The following CD3E variants were observed in gnomAD, a reference collection of about 807,000 sequenced individuals.
CD3E encodes T-cell surface glycoprotein CD3 epsilon chain.
Under a neutral mutation model 34.7 loss-of-function variants are expected in CD3E, and 16 were observed. The ratio of observed to expected loss-of-function variants is 0.46; its 90% CI spans 0.31 to 0.70. The LOEUF (loss-of-function observed/expected upper bound fraction) is 0.70, where lower values mean the gene tolerates loss of function less well. Ranked by LOEUF, CD3E falls within the 30% of genes least tolerant of loss-of-function variation. The pLI is 0.05. For synonymous variants in CD3E, 70 were observed against 90.8 expected, an observed-to-expected ratio of 0.77 and a Z score of 1.30; for missense variants, 223 against 253.9, an observed-to-expected ratio of 0.88 and a Z score of 0.83.
intron 6 of CD3E, chr11:118,313,086 C>T (rs376294228): frequency 7.3e-5 from 44 of 599,966 alleles, no homozygotes; most frequent in Admixed American, 1.3e-4. Flanking sequence ...CCAGTCTGTG[C>T]GAGATCTAAA....
chr11:118,309,566 ACT>A (rs1456949045), intron 4 of CD3E, among the ~76,000 whole-genome samples: 1 of 142,546 alleles, frequency 7.0e-6, no homozygotes, highest in Non-Finnish European at 1.5e-5. Flanking sequence ...ACAGAGCAAG[ACT>A]CTGTCTCAAA....
intron 8 of CD3E, 80 bp from the exon 9 acceptor site, chr11:118,315,406 A>G: frequency 8.0e-7 from 1 of 1,247,654 alleles, no homozygotes; most frequent in Non-Finnish European, 1.2e-6. Context: ...CCCACGCACT[A>G]AAGCTAGCTC....
intron 2 of CD3E, among the ~76,000 whole-genome samples, chr11:118,305,360 T>C (rs1334636423): frequency 1.3e-5 from 2 of 152,228 alleles, no homozygotes; most frequent in Non-Finnish European, 2.9e-5. Context: ...AGAGACCAGA[T>C]ACTTGCGTCC....
At position 118,315,493 on chromosome 11, in the gene CD3E, G is replaced by A. The variant is rs202052957; in HGVS notation, c.575G>A (p.Arg192Gln). 4.4e-5 allele frequency: 71 copies of A among 1,612,954 alleles called. No individual in the cohort carries two copies. The highest frequency in any genetic ancestry group is 4.4e-5 in the South Asian group (4 of 90,816). The change falls in exon 9 of 9, where the codon CGG becomes CAG. Residue 192 changes from arginine (R) to glutamine (Q), a missense_variant. Arg to Gln is a conservative substitution (Grantham distance 43). Transcript: ENST00000361763. Reference sequence around the variant, plus strand: ...TCTCTATTTCACCCCCAGCCCATCCGGAAAGGCCAGCGGGACCTGTATTCT... The same window carrying A: ...TCTCTATTTCACCCCCAGCCCATCCAGAAAGGCCAGCGGGACCTGTATTCT... ...PVPNPDYEPI[R>Q]KGQRDLYSGL...
Position 118,314,141 on chromosome 11 carries a change from C to T in CD3E, c.520+267C>T, listed in dbSNP as rs376938419. ...GTCAATGCCTGCAGTCATCCGATTC[C>T]GCCCCTAAGCTGTGGGAAGAGAGAC... On this transcript the variant is annotated intron_variant, in intron 7 of 8. Transcript: ENST00000361763. Among the ~76,000 whole-genome samples the T allele has an allele frequency of 1.6e-4, 24 of 152,268 alleles. No homozygotes were observed. The South Asian group carries it at 3.1e-3, about 20-fold the overall frequency.
At chr11:118,312,090 T>C in intron 4 of CD3E, 63 bp from the exon 5 acceptor site, 1 of 1,469,982 alleles carries the variant, frequency 6.8e-7, no homozygotes, top group Non-Finnish European at 9.5e-7. Context: ...AGAAAAGTTT[T>C]ACCTACAATT....
intron 6 of CD3E, 40 bp downstream of exon 6, chr11:118,312,906 G>C (rs781399141): frequency 1.2e-6 from 2 of 1,613,078 alleles, no homozygotes; most frequent in South Asian, 2.2e-5. Flanking sequence ...CGGCTCTTTA[G>C]GGAGGACCAT....
chr11:118,313,255 G>A, intron 6 of CD3E: 1 of 353,044 alleles, frequency 2.8e-6, no homozygotes, highest in Non-Finnish European at 5.4e-6. Flanking sequence ...AATGGCATAA[G>A]CTAAGGTATA....
rs201475987 is a variant in CD3E at position 118,304,761 on chromosome 11, C to G, written c.-75C>G. 9.0e-6 allele frequency: 6 copies of G among 666,870 alleles called. No individual in the cohort carries two copies. Among genetic ancestry groups the G allele is most frequent in the African/African-American group, 8.9e-5 (5 of 56,164 alleles). 41.3% of individuals were successfully genotyped at this position (666,870 alleles called of 1,614,324 possible). ...CCTCCTCCCCTCCCAGCCTCAGGTG[C>G]CTGCTTCAGAAAATGGTGAGTCTCT... On this transcript the variant is annotated 5_prime_UTR_variant, in exon 1 of 9. Coordinates refer to ENST00000361763, the MANE Select transcript of CD3E (RefSeq NM_000733.4).
chr11:118,307,371 AT>A, intron 3 of CD3E, 63 bp downstream of exon 3: 1 of 1,453,280 alleles, frequency 6.9e-7, no homozygotes, highest in Non-Finnish European at 9.6e-7. Flanking sequence ...GTAGTTATGA[AT>A]GGAGCTTTCT....
At chr11:118,310,733 A>G (rs1268406467) in intron 4 of CD3E, among the ~76,000 whole-genome samples, 1 of 152,216 alleles carries the variant, frequency 6.6e-6, no homozygotes, top group Non-Finnish European at 1.5e-5. Context: ...AGCAGAGTAT[A>G]ATGTCTATGT....
intron 3 of CD3E, 34 bp downstream of exon 3, chr11:118,307,342 A>G (rs1239796539): frequency 6.3e-7 from 1 of 1,577,830 alleles, no homozygotes; most frequent in African/African-American, 1.3e-5. Context: ...TTTTTTATGA[A>G]ATCACCCCAT....
chr11:118,313,389 G>T, intron 6 of CD3E: 1 of 420,948 alleles, frequency 2.4e-6, no homozygotes. Context: ...TATGGGTTAA[G>T]TATCATTTTA....
intron 3 of CD3E, 151 bp from the exon 4 acceptor site, chr11:118,308,276 G>C: frequency 1.4e-6 from 1 of 714,440 alleles, no homozygotes; most frequent in Admixed American, 2.0e-5. Context: ...AAGATGTAAG[G>C]CCCATAACAG....
rs1022797779 is a variant in CD3E at position 118,308,354 on chromosome 11, C to A, written c.71-73C>A. The A allele has an allele frequency of 7.9e-6, 9 of 1,143,032 alleles. No individual in the cohort carries two copies. The African/African-American group carries it at 1.2e-4, about 15-fold the overall frequency. The allele number at this position is 1,143,032 out of a possible 1,614,324, so 70.8% of individuals were successfully genotyped here. The stretch of plus-strand genomic sequence containing the variant: ...CTAAGAGTTGAGGGAAGAGTCCCAA[C>A]CCACGGGAGCAGGGTCTGATCTTCA... On this transcript the variant is annotated intron_variant, in intron 3 of 8. Coordinates refer to ENST00000361763, the MANE Select transcript of CD3E (RefSeq NM_000733.4).
At chr11:118,306,626 C>G (rs1178850434) in intron 2 of CD3E, among the ~76,000 whole-genome samples, 5 of 152,088 alleles carry the variant, frequency 3.3e-5, no homozygotes, top group African/African-American at 4.8e-5. Flanking sequence ...CCTGTCTCCC[C>G]CTGTGTAGAG....
chr11:118,312,818 G>A lies in CD3E; in HGVS notation c.304G>A (p.Gly102Arg), dbSNP rs1948143439. ...TGGTTATTATGTCTGCTACCCCAGA[G>A]GAAGCAAACCAGAAGATGCGAACTT... Reference protein sequence around the residue: ...QSGYYVCYPRGSKPEDANFYL... With the variant: ...QSGYYVCYPRRSKPEDANFYL... The change falls in exon 6 of 9, where the codon GGA (glycine) becomes AGA (arginine). Residue 102 changes from glycine (G) to arginine (R), a missense_variant. Transcript: ENST00000361763. The A allele has an allele frequency of 1.9e-6, 3 of 1,614,084 alleles. No homozygotes were observed. The highest frequency in any genetic ancestry group is 2.7e-5 in the African/African-American group (2 of 74,926).
At position 118,312,719 on chromosome 11, in the gene CD3E, G is replaced by A; in HGVS notation, c.205G>A (p.Asp69Asn). Residue 69 changes from aspartate (D) to asparagine (N), a missense_variant, in exon 6 of 9, where the codon GAT (aspartate) becomes AAT (asparagine). Physicochemically the swap from Asp to Asn is conservative, Grantham distance 23. Coordinates refer to ENST00000361763, the MANE Select transcript of CD3E (RefSeq NM_000733.4). ...ACACAATGATAAAAACATAGGCGGT[G>A]ATGAGGATGATAAAAACATAGGCAG... Reference protein sequence around the residue: ...WQHNDKNIGGDEDDKNIGSDE... With the variant: ...WQHNDKNIGGNEDDKNIGSDE... 6.2e-7 allele frequency: 1 copy of A among 1,614,060 alleles called. No individual in the cohort carries two copies. The highest frequency in any genetic ancestry group is 2.2e-5 in the East Asian group (1 of 44,890).
intron 4 of CD3E, among the ~76,000 whole-genome samples, chr11:118,309,341 C>T (rs1490669242): frequency 2.0e-5 from 3 of 152,086 alleles, no homozygotes; most frequent in Non-Finnish European, 4.4e-5. Flanking sequence ...TTTGAGAAGC[C>T]GAGGTGGGAG....
Sources: allele counts gnomAD v4.1 joint callset (sites outside exome capture counted in the v4.1 genomes callset), GRCh38; gene constraint gnomAD v4.1.1; transcripts MANE v1.5; gene names NCBI Gene and HGNC (gene_info 2026-07-23, HGNC 2026-07-21).